KCNJ18: variants seen among roughly 807,000 people sequenced by gnomAD.
KCNJ18 encodes the protein inward rectifier potassium channel 18.
KCNJ18 carries 16 observed loss-of-function variants against 17.3 expected under a neutral mutation model. That is an observed-to-expected ratio of 0.92 (90% CI 0.62 to 1.40). The LOEUF (loss-of-function observed/expected upper bound fraction) is 1.40. Ranked by LOEUF, KCNJ18 falls within the 40% of genes most tolerant of loss-of-function variation. KCNJ18 has a pLI of 0.00. For missense variants in KCNJ18, 462 were observed against 626.8 expected (o/e 0.74, Z 2.81); for synonymous variants, 185 against 262.6 (o/e 0.70, Z 2.86).
At chr17:21,699,334 G>A (rs1249563704) in intron 2 of KCNJ18, among the ~76,000 whole-genome samples, 2,178 of 152,270 alleles carry the variant, frequency 0.014, 19 homozygotes, top group Non-Finnish European at 0.022. Flanking sequence ...CCACACCTGT[G>A]TTTACGCAGG....
chr17:21,702,571 T>C (rs1905996072), intron 2 of KCNJ18, among the ~76,000 whole-genome samples, 160 bp from the exon 3 acceptor site: 1 of 152,148 alleles, frequency 6.6e-6, no homozygotes, highest in Non-Finnish European at 1.5e-5. Context: ...CCACTCGCAC[T>C]GGGAAGGCGG....
At chr17:21,694,397 A>G (rs1452842843) in intron 1 of KCNJ18, among the ~76,000 whole-genome samples, 211 of 151,890 alleles carry the variant, frequency 1.4e-3, no homozygotes, top group African/African-American at 4.9e-3. Context: ...CATCTTTGGG[A>G]TTGCAGGGAC....
At chr17:21,696,837 T>C (rs1194849530) in intron 2 of KCNJ18, among the ~76,000 whole-genome samples, 1 of 151,836 alleles carries the variant, frequency 6.6e-6, no homozygotes, top group Non-Finnish European at 1.5e-5. Flanking sequence ...GCCTTTGCTG[T>C]GGAGAGGCTA....
In KCNJ18 at chr17:21,703,985, G is replaced by A. The variant is rs1906074756; in HGVS notation, c.1199G>A (p.Ser400Asn). ...DEADGDQDGR[S>N]RDGLSPQARH... is the part of the protein sequence containing the mutation. ...GCGGACGGAGACCAGGACGGCCGAA[G>A]CCGGGATGGCCTCAGCCCCCAGGCC... Residue 400 changes from serine to asparagine, a missense_variant, in exon 3 of 3, where the codon AGC (serine) becomes AAC (asparagine). Physicochemically the swap from Ser to Asn is conservative, Grantham distance 46. Around this residue, in one of 5 missense-constraint regions of KCNJ18, gnomAD observed 123 missense variants for 117.5 expected, o/e 1.05. Coordinates refer to ENST00000567955, the MANE Select transcript of KCNJ18 (RefSeq NM_001194958.2). 2.5e-6 allele frequency: 4 copies of A among 1,601,530 alleles called. No individual in the cohort carries two copies. The highest frequency in any genetic ancestry group is 3.4e-6 in the Non-Finnish European group (4 of 1,175,224).
In KCNJ18 at chr17:21,703,019, T is replaced by C; in HGVS notation, c.233T>C (p.Ile78Thr). ...LADMFTTCVDIRWRYMLLIFS... is the reference protein window; with the variant it reads ...LADMFTTCVDTRWRYMLLIFS... Reference sequence around the variant, plus strand: ...GACATGTTCACCACCTGTGTGGACATCCGCTGGCGCTACATGCTGCTCATC... The same window carrying C: ...GACATGTTCACCACCTGTGTGGACACCCGCTGGCGCTACATGCTGCTCATC... Residue 78 changes from isoleucine (I) to threonine (T), a missense_variant, in exon 3 of 3, where the codon ATC becomes ACC. Transcript: ENST00000567955. The C allele has an allele frequency of 6.2e-7, 1 of 1,612,720 alleles. No individual in the cohort carries two copies. Among genetic ancestry groups the C allele is most frequent in the Non-Finnish European group, 8.5e-7 (1 of 1,179,684 alleles).
At chr17:21,696,605 T>C (rs1905766349) in intron 2 of KCNJ18, among the ~76,000 whole-genome samples, 1 of 152,212 alleles carries the variant, frequency 6.6e-6, no homozygotes, top group Non-Finnish European at 1.5e-5. Flanking sequence ...TGGTCAGAGA[T>C]GGGGCCTGGG....
intron 2 of KCNJ18, among the ~76,000 whole-genome samples, chr17:21,696,677 C>T (rs1348922785): frequency 3.9e-5 from 6 of 152,132 alleles, no homozygotes; most frequent in Admixed American, 3.9e-4. Context: ...AAGCCCAGTG[C>T]TAGAGGATCC....
intron 2 of KCNJ18, among the ~76,000 whole-genome samples, chr17:21,699,674 GT>G (rs1314271389): frequency 6.6e-6 from 1 of 152,306 alleles, no homozygotes; most frequent in African/African-American, 2.4e-5. Flanking sequence ...TGCTCTCTGT[GT>G]GGTAAAACCA....
At chr17:21,696,725 C>T (rs1362269649) in intron 2 of KCNJ18, among the ~76,000 whole-genome samples, 71,775 of 151,578 alleles carry the variant, frequency 0.47, 17,624 homozygotes, top group East Asian at 0.82. Flanking sequence ...GTGGAGGAGG[C>T]GGAGGAGAAG....
intron 1 of KCNJ18, among the ~76,000 whole-genome samples, chr17:21,693,449 C>T (rs1194097756): frequency 3.9e-5 from 6 of 152,430 alleles, no homozygotes; most frequent in African/African-American, 1.2e-4. Context: ...TGGATAGATG[C>T]TGCTGCCCAC....
intron 1 of KCNJ18, among the ~76,000 whole-genome samples, chr17:21,694,151 C>T (rs1905687807): frequency 6.6e-6 from 1 of 152,246 alleles, no homozygotes; most frequent in Middle Eastern, 3.4e-3. Flanking sequence ...GGGGGTGACT[C>T]ACCAACAGTT....
chr17:21,699,351 C>G (rs1905863303), intron 2 of KCNJ18, among the ~76,000 whole-genome samples: 1 of 152,124 alleles, frequency 6.6e-6, no homozygotes, highest in South Asian at 2.1e-4. Flanking sequence ...CAGGAGTGTT[C>G]TTGGGACATT....
chr17:21,701,713 C>A (rs1418108552), intron 2 of KCNJ18, among the ~76,000 whole-genome samples: 35 of 152,166 alleles, frequency 2.3e-4, no homozygotes, highest in South Asian at 4.1e-4. Context: ...GAGTTTGAGA[C>A]CAGCCTGGCC....
chr17:21,701,737 C>T lies in KCNJ18; in HGVS notation c.-56-994C>T, dbSNP rs1201613610. Among the ~76,000 whole-genome samples, 5 of 152,310 alleles carry T rather than the reference C, an allele frequency of 3.3e-5. No individual in the cohort carries two copies. The East Asian group carries it at 7.7e-4, about 23-fold the overall frequency. ...ACCAGCCTGGCCAACATGGTGAAAC[C>T]CCGTCTCTACTTAAAATACAAAAGT... On this transcript the variant is annotated intron_variant, in intron 2 of 2. Transcript: ENST00000567955.
chr17:21,694,760 C>A (rs1248595398), intron 1 of KCNJ18, among the ~76,000 whole-genome samples: 9 of 152,166 alleles, frequency 5.9e-5, no homozygotes, highest in Admixed American at 6.5e-5. Context: ...ATCTATCCAC[C>A]CATCCACTCA....
At chr17:21,696,552 C>G (rs1238709515) in intron 2 of KCNJ18, among the ~76,000 whole-genome samples, 18 of 152,250 alleles carry the variant, frequency 1.2e-4, no homozygotes, top group Non-Finnish European at 4.4e-5. Context: ...CTGGGTGCCC[C>G]TCTTTGCTAG....
At position 21,702,938 on chromosome 17, in the gene KCNJ18, G is replaced by C; in HGVS notation, c.152G>C (p.Gly51Ala). The part of the protein sequence containing the change: ...RCRNRFVKKN[G>A]QCNIAFANMD... ...CGCAACCGCTTCGTCAAGAAGAATG[G>C]CCAGTGCAACATTGCGTTCGCCAAC... The change falls in exon 3 of 3, where the codon GGC becomes GCC. Residue 51 changes from glycine (G) to alanine (A), a missense_variant. Physicochemically the swap from Gly to Ala is moderately conservative, Grantham distance 60. Coordinates refer to ENST00000567955, the MANE Select transcript of KCNJ18 (RefSeq NM_001194958.2). 1 of 1,589,220 alleles carries C rather than the reference G, an allele frequency of 6.3e-7. No individual in the cohort carries two copies. Among genetic ancestry groups the C allele is most frequent in the Non-Finnish European group, 8.5e-7 (1 of 1,170,260 alleles).
chr17:21,698,985 C>T (rs1905853591), intron 2 of KCNJ18, among the ~76,000 whole-genome samples: 2 of 152,204 alleles, frequency 1.3e-5, no homozygotes, highest in Non-Finnish European at 2.9e-5. Flanking sequence ...CTCCCGGCGA[C>T]CCTGGGACCC....
At chr17:21,698,158 G>A (rs1486913771) in intron 2 of KCNJ18, among the ~76,000 whole-genome samples, 1 of 152,188 alleles carries the variant, frequency 6.6e-6, no homozygotes, top group South Asian at 2.1e-4. Context: ...AAGGATTGCA[G>A]TGCCACGCAC....
Sources: gnomAD v4.1 joint callset for allele counts (sites outside exome capture counted in the v4.1 genomes callset) on GRCh38, gnomAD v4.1.1 for gene constraint, gnomAD v4.1.1 regional missense constraint, MANE v1.5 for transcripts, NCBI Gene and HGNC (gene_info 2026-07-23, HGNC 2026-07-21) for gene names.